Variants in SHROOM3 observed in about 807,000 individuals in gnomAD.
SHROOM3 encodes shroom family member 3, also known as protein Shroom3.
SHROOM3 carries 47 observed loss-of-function variants against 138.6 expected under a neutral mutation model. That is an observed-to-expected ratio of 0.34 (90% CI 0.27 to 0.43). SHROOM3 has a LOEUF of 0.43. SHROOM3 is among the 20% of genes least tolerant of loss of function. The pLI, the probability that SHROOM3 is intolerant of heterozygous loss-of-function variation, is 1.00. For missense variants in SHROOM3, 2,491 were observed against 2,596.5 expected, an observed-to-expected ratio of 0.96 and a Z score of 0.88; for synonymous variants, 1,062 against 1,063.3, an observed-to-expected ratio of 1.00 and a Z score of 0.02.
At chr4:76,694,501 A>G (rs1719664352) in intron 2 of SHROOM3, among the ~76,000 whole-genome samples, 1 of 152,176 alleles carries the variant, frequency 6.6e-6, no homozygotes, top group Non-Finnish European at 1.5e-5. Flanking sequence ...ATTCCTTACT[A>G]AAAATAGCAA....
chr4:76,725,362 C>G (rs77096331), intron 3 of SHROOM3, among the ~76,000 whole-genome samples: 252 of 152,230 alleles, frequency 1.7e-3, no homozygotes, highest in African/African-American at 5.8e-3. Flanking sequence ...ATTTCATTTG[C>G]TCTTTCCTGC....
At chr4:76,441,276 G>A (rs1730673331) in intron 1 of SHROOM3, among the ~76,000 whole-genome samples, 1 of 151,900 alleles carries the variant, frequency 6.6e-6, no homozygotes, top group Non-Finnish European at 1.5e-5. Context: ...TGTATTTTTA[G>A]TAGAGACAGG....
intron 2 of SHROOM3, among the ~76,000 whole-genome samples, chr4:76,583,202 C>G (rs966431230): frequency 6.6e-6 from 1 of 152,104 alleles, no homozygotes; most frequent in African/African-American, 2.4e-5. Flanking sequence ...GGTGCACATT[C>G]CAGTGTAAAG....
chr4:76,481,615 G>A (rs1244094354), intron 1 of SHROOM3, among the ~76,000 whole-genome samples: 1 of 151,902 alleles, frequency 6.6e-6, no homozygotes, highest in South Asian at 2.1e-4. Flanking sequence ...AATAGAAAAA[G>A]AGGGACTCCC....
chr4:76,558,897 G>C (rs1733542350), intron 2 of SHROOM3, among the ~76,000 whole-genome samples: 1 of 152,162 alleles, frequency 6.6e-6, no homozygotes, highest in Non-Finnish European at 1.5e-5. Context: ...TCCTAATAGG[G>C]GCTTGGCTGC....
In SHROOM3 at chr4:76,555,581, T is replaced by C. The variant is rs957243569; in HGVS notation, c.169-28T>C. 1.6e-5 allele frequency: 26 copies of C among 1,612,086 alleles called. No individual in the cohort carries two copies. The South Asian group carries it at 1.8e-4, about 11-fold the overall frequency. The stretch of plus-strand genomic sequence containing the variant: ...CCCAGGCCAGGGGAAAGCTCACTCG[T>C]GGCTGTCGCATCTCTCCCTCCAAGC... On this transcript the variant is annotated intron_variant, in intron 1 of 10. Coordinates refer to ENST00000296043, the MANE Select transcript of SHROOM3 (RefSeq NM_020859.4).
intron 1 of SHROOM3, among the ~76,000 whole-genome samples, chr4:76,476,646 T>C (rs1022580187): frequency 6.6e-6 from 1 of 152,236 alleles, no homozygotes; most frequent in Non-Finnish European, 1.5e-5. Context: ...TTCTTAGATA[T>C]TTGCTGTGTG....
chr4:76,679,597 G>A (rs1719133385), intron 2 of SHROOM3, among the ~76,000 whole-genome samples: 1 of 152,002 alleles, frequency 6.6e-6, no homozygotes, highest in Non-Finnish European at 1.5e-5. Context: ...AGAACATATG[G>A]GATTATGCCC....
chr4:76,763,019 GT>G (rs1224713670), intron 9 of SHROOM3, among the ~76,000 whole-genome samples: 1 of 152,138 alleles, frequency 6.6e-6, no homozygotes, highest in Non-Finnish European at 1.5e-5. Flanking sequence ...CATGGAATGT[GT>G]ATGATAAAGA....
At chr4:76,637,884 C>T (rs1735545078) in intron 2 of SHROOM3, among the ~76,000 whole-genome samples, 1 of 152,176 alleles carries the variant, frequency 6.6e-6, no homozygotes, top group Non-Finnish European at 1.5e-5. Context: ...CAGTGCCTCT[C>T]CTAAAATACC....
chr4:76,668,011 G>A (rs35610676), intron 2 of SHROOM3, among the ~76,000 whole-genome samples: 1 of 139,912 alleles, frequency 7.1e-6, no homozygotes, highest in Non-Finnish European at 1.5e-5. Flanking sequence ...GCAGGTGCAC[G>A]CAGGGTGCGG....
intron 2 of SHROOM3, among the ~76,000 whole-genome samples, chr4:76,609,397 T>C (rs956765063): frequency 3.3e-5 from 5 of 152,158 alleles, no homozygotes; most frequent in Non-Finnish European, 1.5e-5. Flanking sequence ...ATCCTCTTGC[T>C]TCAGCCTCCT....
At chr4:76,661,583 A>C (rs1307330212) in intron 2 of SHROOM3, among the ~76,000 whole-genome samples, 2 of 152,188 alleles carry the variant, frequency 1.3e-5, no homozygotes, top group African/African-American at 4.8e-5. Context: ...GCCCCTTTCC[A>C]GTCCGCTCTG....
intron 2 of SHROOM3, among the ~76,000 whole-genome samples, chr4:76,700,064 T>C (rs1158852486): frequency 1.3e-5 from 2 of 152,302 alleles, no homozygotes; most frequent in East Asian, 3.9e-4. Flanking sequence ...CATATTTTTA[T>C]TAACCAAATA....
At chr4:76,567,045 A>T (rs984233978) in intron 2 of SHROOM3, among the ~76,000 whole-genome samples, 4 of 152,228 alleles carry the variant, frequency 2.6e-5, no homozygotes, top group African/African-American at 9.6e-5. Flanking sequence ...TTGTCAGTGC[A>T]TTTGAAAAAC....
chr4:76,723,535 C>T (rs1330047364), intron 3 of SHROOM3, among the ~76,000 whole-genome samples: 1 of 152,148 alleles, frequency 6.6e-6, no homozygotes, highest in Non-Finnish European at 1.5e-5. Context: ...GTTTTATTTC[C>T]TTCAGAACCC....
rs959936991 is a variant in SHROOM3 at position 76,435,934 on chromosome 4, A to G, written c.-119A>G. 2.8e-6 allele frequency: 3 copies of G among 1,054,208 alleles called. No homozygotes were observed. The highest frequency in any genetic ancestry group is 3.7e-5 in the South Asian group (2 of 54,484). 65.3% of individuals were successfully genotyped at this position (1,054,208 alleles called of 1,614,324 possible). A position where few individuals can be genotyped will look rare whatever the true frequency, so the allele number is the denominator to read the frequency against. On this transcript the variant is annotated 5_prime_UTR_variant, in exon 1 of 11. Coordinates refer to ENST00000296043, the MANE Select transcript of SHROOM3 (RefSeq NM_020859.4). Reference sequence around the variant, plus strand: ...ACGTATGGAAGAATTTGCTTCTCCAAACCTCTCTTTTGGCCATTGTGTGTC... The same window carrying G: ...ACGTATGGAAGAATTTGCTTCTCCAGACCTCTCTTTTGGCCATTGTGTGTC...
At chr4:76,438,261 G>A (rs1455173845) in intron 1 of SHROOM3, among the ~76,000 whole-genome samples, 3 of 152,086 alleles carry the variant, frequency 2.0e-5, no homozygotes, top group African/African-American at 7.2e-5. Flanking sequence ...TTCCATCCTG[G>A]AGTGATATCT....
At chr4:76,620,019 C>T (rs1734964184) in intron 2 of SHROOM3, among the ~76,000 whole-genome samples, 1 of 126,908 alleles carries the variant, frequency 7.9e-6, no homozygotes, top group African/African-American at 3.1e-5. Context: ...TGCAGTGAGC[C>T]AAGATGATGC....
Sources: allele counts gnomAD v4.1 joint callset (sites outside exome capture counted in the v4.1 genomes callset), GRCh38; gene constraint gnomAD v4.1.1; transcripts MANE v1.5; gene names NCBI Gene and HGNC (gene_info 2026-07-23, HGNC 2026-07-21).